PID1: variants seen among roughly 807,000 people sequenced by gnomAD.
PID1 encodes PTB-containing, cubilin and LRP1-interacting protein.
Under a neutral mutation model 19.1 loss-of-function variants are expected in PID1, and 10 were observed. The observed-to-expected ratio is 0.52, with a 90% confidence interval of 0.32 to 0.89. PID1 has a LOEUF of 0.89. Ranked by LOEUF, PID1 falls within the 40% of genes least tolerant of loss-of-function variation. PID1 has a pLI of 0.03. For missense variants in PID1, 248 were observed against 285.3 expected, an observed-to-expected ratio of 0.87 and a Z score of 0.94; for synonymous variants, 130 against 116.0, an observed-to-expected ratio of 1.12 and a Z score of -0.78.
chr2:229,171,932 C>T (rs1183349000), intron 1 of PID1, among the ~76,000 whole-genome samples: 3 of 152,134 alleles, frequency 2.0e-5, no homozygotes, highest in Admixed American at 6.5e-5. Context: ...TGCTCTTTTG[C>T]AGGATGTTGA....
chr2:229,247,445 G>A (rs569545873), intron 1 of PID1, among the ~76,000 whole-genome samples: 1 of 152,162 alleles, frequency 6.6e-6, no homozygotes, highest in African/African-American at 2.4e-5. Flanking sequence ...AGATATCCCT[G>A]CTTATGTCCC....
At chr2:229,211,557 T>C (rs1194272513) in intron 1 of PID1, among the ~76,000 whole-genome samples, 1 of 152,180 alleles carries the variant, frequency 6.6e-6, no homozygotes, top group Non-Finnish European at 1.5e-5. Flanking sequence ...AATGGAGAAA[T>C]GCTCTCCAGG....
chr2:229,265,310 G>A (rs1273889890), intron 1 of PID1, among the ~76,000 whole-genome samples: 1 of 152,220 alleles, frequency 6.6e-6, no homozygotes, highest in African/African-American at 2.4e-5. Context: ...ATTGATCCAC[G>A]TGGCATCAGC....
At chr2:229,123,445 T>G in intron 2 of PID1, among the ~76,000 whole-genome samples, 1 of 152,226 alleles carries the variant, frequency 6.6e-6, no homozygotes, top group East Asian at 1.9e-4. Flanking sequence ...TTTGAGTTCT[T>G]TGTACTTTCT....
At chr2:229,059,544 G>C (rs1200197130) in intron 2 of PID1, among the ~76,000 whole-genome samples, 2 of 152,108 alleles carry the variant, frequency 1.3e-5, no homozygotes, top group Admixed American at 6.5e-5. Context: ...CAGTCTAAGG[G>C]ATGCCACCAT....
At chr2:229,212,117 C>T (rs754166056) in intron 1 of PID1, among the ~76,000 whole-genome samples, 1 of 152,006 alleles carries the variant, frequency 6.6e-6, no homozygotes, top group Non-Finnish European at 1.5e-5. Context: ...ATTATGGTCT[C>T]TTTTTCTCTG....
intron 2 of PID1, among the ~76,000 whole-genome samples, chr2:229,148,538 T>A (rs1406529723): frequency 6.6e-6 from 1 of 152,160 alleles, no homozygotes; most frequent in African/African-American, 2.4e-5. Flanking sequence ...CCTCCGGTTT[T>A]CAAAATATTC....
At chr2:229,229,502 TG>T (rs1692157785) in intron 1 of PID1, among the ~76,000 whole-genome samples, 2 of 152,084 alleles carry the variant, frequency 1.3e-5, no homozygotes, top group Admixed American at 6.6e-5. Flanking sequence ...CCAGGTATGG[TG>T]GTGCATGCCT....
intron 1 of PID1, among the ~76,000 whole-genome samples, chr2:229,160,014 G>T (rs1690459901): frequency 6.6e-6 from 1 of 152,176 alleles, no homozygotes; most frequent in Non-Finnish European, 1.5e-5. Flanking sequence ...GATGAAGGAA[G>T]AGGGAAGCTC....
intron 1 of PID1, among the ~76,000 whole-genome samples, chr2:229,163,404 G>A (rs1333289729): frequency 9.9e-5 from 15 of 152,138 alleles, no homozygotes; most frequent in East Asian, 5.8e-4. Context: ...TTTAAAAGGC[G>A]CTCTATATCT....
intron 1 of PID1, among the ~76,000 whole-genome samples, chr2:229,173,600 G>T (rs1690754062): frequency 6.6e-6 from 1 of 152,150 alleles, no homozygotes; most frequent in Non-Finnish European, 1.5e-5. Context: ...CCTTCATGGA[G>T]CTGAACTTGA....
intron 1 of PID1, among the ~76,000 whole-genome samples, chr2:229,192,345 C>A (rs542028278): frequency 1.3e-5 from 2 of 152,082 alleles, no homozygotes; most frequent in Non-Finnish European, 2.9e-5. Context: ...GACTGGGGAC[C>A]AAAAGAAGAA....
intron 1 of PID1, chr2:229,245,006 T>A (rs1689965040): frequency 6.6e-6 from 1 of 152,138 alleles, no homozygotes; most frequent in African/African-American, 2.4e-5. Context: ...GCTTTTCAGT[T>A]GCCTAAGATC....
chr2:229,058,408 T>C (rs1694145935), intron 2 of PID1, among the ~76,000 whole-genome samples: 2 of 152,204 alleles, frequency 1.3e-5, no homozygotes, highest in South Asian at 2.1e-4. Flanking sequence ...GAAGGTACTC[T>C]GCAGCATGGA....
chr2:229,184,470 A>G lies in PID1; in HGVS notation c.31-28506T>C, dbSNP rs1467816036. Among the ~76,000 whole-genome samples, 36 of 22,588 alleles carry G rather than the reference A, an allele frequency of 1.6e-3. 16 individuals are homozygous for G. The East Asian group carries it at 0.042, about 27-fold the overall frequency. The allele number at this position is 22,588 out of a possible 152,430, so 14.8% of individuals were successfully genotyped here. ...GCCCGTATATATATAGCCCGTATAT[A>G]TATATCCCGTATATATATATACCGT... On this transcript the variant is annotated intron_variant, in intron 1 of 2. Transcript: ENST00000392055.
chr2:229,062,067 T>C (rs1694223332), intron 2 of PID1, among the ~76,000 whole-genome samples: 1 of 148,792 alleles, frequency 6.7e-6, no homozygotes, highest in African/African-American at 2.6e-5. Context: ...TCCTTTCCTA[T>C]TTCAATGTTT....
rs964992243 is a variant in PID1, at chr2:229,271,099, G to T, written c.-56C>A. On this transcript the variant is annotated 5_prime_UTR_variant, in exon 1 of 3. Coordinates refer to ENST00000392055, the MANE Select transcript of PID1 (RefSeq NM_001100818.2). ...GCTGGCGAGACTGTCGATCGCGCCG[G>T]GGGGCGAGGGGCTGGGGTCCCGCTT... 13 of 1,527,622 alleles carry T rather than the reference G, an allele frequency of 8.5e-6. No individual in the cohort carries two copies. In the Middle Eastern group the frequency reaches 6.9e-4, roughly 81 times the overall value. 94.6% of individuals were successfully genotyped at this position (1,527,622 alleles called of 1,614,324 possible).
intron 1 of PID1, among the ~76,000 whole-genome samples, chr2:229,249,597 C>A (rs549818104): frequency 3.2e-4 from 49 of 152,196 alleles, no homozygotes; most frequent in African/African-American, 1.1e-3. Context: ...GATAGAAGTC[C>A]ACACATAATT....
intron 1 of PID1, among the ~76,000 whole-genome samples, chr2:229,249,358 C>T (rs994310365): frequency 3.3e-5 from 5 of 152,178 alleles, no homozygotes; most frequent in African/African-American, 1.2e-4. Flanking sequence ...AAATTCTTCT[C>T]TTAGCATGCT....
Sources: allele counts gnomAD v4.1 joint callset (sites outside exome capture counted in the v4.1 genomes callset), GRCh38; gene constraint gnomAD v4.1.1; transcripts MANE v1.5; gene names NCBI Gene and HGNC (gene_info 2026-07-23, HGNC 2026-07-21).